Variants in MAPDA observed in about 807,000 individuals in gnomAD.
MAPDA encodes the protein N6,N6-dimethyl-AMP deaminase.
the MAPDA span, chr15:43,340,272 A>T: frequency 6.2e-7 from 1 of 1,613,946 alleles, no homozygotes; most frequent in Non-Finnish European, 8.5e-7. Flanking sequence ...CAGGTCACAA[A>T]AGATGTCATA....
chr15:43,341,686 C>T, the MAPDA span, among the ~76,000 whole-genome samples: 1 of 152,182 alleles, frequency 6.6e-6, no homozygotes, highest in East Asian at 1.9e-4. Context: ...CTATGGGCTC[C>T]AAGGGCTGCA....
chr15:43,342,158 T>G, the MAPDA span, among the ~76,000 whole-genome samples: 8 of 152,050 alleles, frequency 5.3e-5, no homozygotes, highest in Non-Finnish European at 7.4e-5. Context: ...ATTTATAATT[T>G]TATATATTTT....
chr15:43,340,963 A>G, the MAPDA span, among the ~76,000 whole-genome samples: 1 of 152,186 alleles, frequency 6.6e-6, no homozygotes, highest in Non-Finnish European at 1.5e-5. Flanking sequence ...AATGTAGGTT[A>G]TTCATTCGCT....
chr15:43,347,395 T>C, the MAPDA span, among the ~76,000 whole-genome samples: 1 of 152,128 alleles, frequency 6.6e-6, no homozygotes, highest in Non-Finnish European at 1.5e-5. Flanking sequence ...AGTCTTGTCA[T>C]TGGCAAGCTG....
chr15:43,343,094 A>G, the MAPDA span: 2 of 1,492,606 alleles, frequency 1.3e-6, no homozygotes, highest in Non-Finnish European at 1.8e-6. Context: ...ATTGTACCTT[A>G]GTAGTTAACA....
the MAPDA span, chr15:43,340,224 C>T: frequency 6.4e-7 from 1 of 1,569,240 alleles, no homozygotes; most frequent in Non-Finnish European, 8.7e-7. Flanking sequence ...GGACCCTTAC[C>T]CAAACATTAT....
the MAPDA span, among the ~76,000 whole-genome samples, chr15:43,348,124 T>G: frequency 1.3e-5 from 2 of 152,270 alleles, no homozygotes; most frequent in African/African-American, 4.8e-5. Flanking sequence ...AAGATTTCAT[T>G]TAAAAATGTT....
At chr15:43,334,326 A>G in the MAPDA span, among the ~76,000 whole-genome samples, 1 of 151,962 alleles carries the variant, frequency 6.6e-6, no homozygotes, top group Non-Finnish European at 1.5e-5. Context: ...AAACAATTCA[A>G]AATTTAAAAT....
At chr15:43,348,063 G>A in the MAPDA span, among the ~76,000 whole-genome samples, 1 of 152,180 alleles carries the variant, frequency 6.6e-6, no homozygotes, top group Non-Finnish European at 1.5e-5. Flanking sequence ...ATCAGAACTT[G>A]TTCTTTACCT....
the MAPDA span, among the ~76,000 whole-genome samples, chr15:43,341,447 C>G: frequency 6.6e-6 from 1 of 152,184 alleles, no homozygotes; most frequent in Non-Finnish European, 1.5e-5. Context: ...ATTAAAAATA[C>G]TGGTGAAGAC....
At chr15:43,334,100 G>A in the MAPDA span, among the ~76,000 whole-genome samples, 1,999 of 151,750 alleles carry the variant, frequency 0.013, 18 homozygotes, top group Middle Eastern at 0.051. Flanking sequence ...TAAAGGCAGT[G>A]ACTGGCTCAT....
chr15:43,339,855 C>T, the MAPDA span, among the ~76,000 whole-genome samples: 1 of 152,192 alleles, frequency 6.6e-6, no homozygotes, highest in Non-Finnish European at 1.5e-5. Flanking sequence ...ATCAGTAATA[C>T]CTAATCATTT....
chr15:43,341,110 G>A, the MAPDA span, among the ~76,000 whole-genome samples: 7 of 152,100 alleles, frequency 4.6e-5, no homozygotes, highest in Non-Finnish European at 7.4e-5. Flanking sequence ...GGAGACATTG[G>A]GGCCCTCTTA....
the MAPDA span, among the ~76,000 whole-genome samples, chr15:43,339,989 T>C: frequency 6.6e-6 from 1 of 152,150 alleles, no homozygotes; most frequent in South Asian, 2.1e-4. Flanking sequence ...AGGAAATAAA[T>C]GTTTAAAAGG....
the MAPDA span, chr15:43,348,794 A>T: frequency 9.1e-7 from 1 of 1,098,716 alleles, no homozygotes; most frequent in Non-Finnish European, 1.3e-6. Flanking sequence ...TCAGTTTTCC[A>T]AAAGGTCTGC....
the MAPDA span, chr15:43,330,975 T>G: frequency 6.5e-6 from 1 of 152,946 alleles, no homozygotes; most frequent in Non-Finnish European, 1.5e-5. Context: ...GTTAGCTTCC[T>G]TGGGTGCTAA....
At chr15:43,340,429 A>G in the MAPDA span, 1 of 1,221,056 alleles carries the variant, frequency 8.2e-7, no homozygotes, top group Admixed American at 2.0e-5. Flanking sequence ...GTGAGTGGGA[A>G]TATGAAGCAC....
chr15:43,349,080 C>G, the MAPDA span: 1 of 1,613,818 alleles, frequency 6.2e-7, no homozygotes, highest in African/African-American at 1.3e-5. Flanking sequence ...CCAGATGACT[C>G]TCTGTCTCTC....
At chr15:43,330,417 G>T in the MAPDA span, 1 of 1,566,386 alleles carries the variant, frequency 6.4e-7, no homozygotes, top group Non-Finnish European at 8.6e-7. Flanking sequence ...GCCAGGGAAC[G>T]CTTGCTGAGG....
Sources: allele counts gnomAD v4.1 joint callset (sites outside exome capture counted in the v4.1 genomes callset), GRCh38; gene constraint gnomAD v4.1.1; transcripts MANE v1.5; gene names NCBI Gene and HGNC (gene_info 2026-07-23, HGNC 2026-07-21).